Variants in ADAM7 observed in about 807,000 individuals in gnomAD.
ADAM7 encodes ADAM metallopeptidase domain 7, also known as disintegrin and metalloproteinase domain-containing protein 7.
A neutral mutation model predicts 102.9 loss-of-function variants in ADAM7; 97 were observed. The observed-to-expected ratio is 0.94, with a 90% CI of 0.80 to 1.12. The LOEUF is 1.12. Among genes scored for constraint, ADAM7 ranks in the 50% most tolerant of loss-of-function variants. The pLI, the probability that ADAM7 is intolerant of heterozygous loss-of-function variation, is 0.00. For missense variants in ADAM7, 991 were observed against 908.7 expected (o/e 1.09, Z -1.16); for synonymous variants, 334 against 304.4 (o/e 1.10, Z -1.01).
intron 3 of ADAM7, among the ~76,000 whole-genome samples, chr8:24,462,526 C>A (rs75395548): frequency 2.7e-3 from 418 of 152,308 alleles, no homozygotes; most frequent in African/African-American, 8.8e-3. Flanking sequence ...TCATGCTGTG[C>A]CTTCTCCCCT....
intron 8 of ADAM7, among the ~76,000 whole-genome samples, chr8:24,478,931 T>G (rs932973079): frequency 1.4e-4 from 21 of 152,312 alleles, no homozygotes; most frequent in African/African-American, 4.8e-4. Flanking sequence ...TGGTCAGAAA[T>G]TAGCTGATTT....
At chr8:24,508,464 T>C (rs1821023998) in intron 21 of ADAM7, 82 bp from the exon 22 acceptor site, 1 of 1,370,596 alleles carries the variant, frequency 7.3e-7, no homozygotes, top group African/African-American at 1.4e-5. Context: ...TTCTAATTAG[T>C]AGATATAAAT....
chr8:24,481,402 T>C (rs1819947122), intron 8 of ADAM7, among the ~76,000 whole-genome samples: 2 of 152,220 alleles, frequency 1.3e-5, no homozygotes, highest in African/African-American at 2.4e-5. Context: ...GTTCATTCAG[T>C]GTTGATAGTT....
intron 16 of ADAM7, 102 bp downstream of exon 16, chr8:24,493,331 AG>A: frequency 9.6e-7 from 1 of 1,036,572 alleles, no homozygotes; most frequent in Non-Finnish European, 1.3e-6. Flanking sequence ...GATATGGAAA[AG>A]GAAAAAATAT....
intron 2 of ADAM7, among the ~76,000 whole-genome samples, chr8:24,444,695 C>CA (rs889272661): frequency 6.7e-6 from 1 of 150,198 alleles, no homozygotes; most frequent in African/African-American, 2.4e-5. Context: ...AAAAAAAACA[C>CA]AAAAAAACGA....
intron 9 of ADAM7, among the ~76,000 whole-genome samples, chr8:24,483,492 T>C (rs1258447702): frequency 6.6e-6 from 1 of 152,220 alleles, no homozygotes; most frequent in Non-Finnish European, 1.5e-5. Flanking sequence ...TATTTAGACG[T>C]TGACTTTCAG....
intron 16 of ADAM7, 41 bp downstream of exon 16, chr8:24,493,270 C>G (rs1335985718): frequency 6.6e-7 from 1 of 1,505,568 alleles, no homozygotes; most frequent in Admixed American, 2.3e-5. Context: ...CTTCTTAGTT[C>G]AATCCTTTAA....
chr8:24,509,220 A>G lies in ADAM7; in HGVS notation c.*674A>G. On this transcript the variant is annotated 3_prime_UTR_variant, in exon 22 of 22. Transcript: ENST00000175238. ...CTGACAGAGAAATCAGAGGGTTACA[A>G]GAATTTCAGAAAATTTACTCCAAGT... The G allele has an allele frequency of 1.0e-6, 1 of 985,486 alleles. No individual in the cohort carries two copies. Among genetic ancestry groups the G allele is most frequent in the Non-Finnish European group, 1.2e-6 (1 of 829,980 alleles). The allele number at this position is 985,486 out of a possible 1,614,324, so 61.0% of individuals were successfully genotyped here.
intron 6 of ADAM7, among the ~76,000 whole-genome samples, chr8:24,468,211 T>C (rs1819493050): frequency 1.3e-5 from 2 of 152,060 alleles, no homozygotes; most frequent in Admixed American, 1.3e-4. Flanking sequence ...GTCCTGTTGG[T>C]CCACACTATG....
At chr8:24,448,656 GTTT>G (rs1209401791) in intron 3 of ADAM7, among the ~76,000 whole-genome samples, 2 of 90,462 alleles carry the variant, frequency 2.2e-5, no homozygotes, top group East Asian at 4.4e-4. Flanking sequence ...CATTCAGCTT[GTTT>G]ATTATTATTA....
intron 6 of ADAM7, 101 bp from the exon 7 acceptor site, chr8:24,468,666 A>T: frequency 9.9e-7 from 1 of 1,013,590 alleles, no homozygotes; most frequent in Non-Finnish European, 1.5e-6. Context: ...ATCAATATCA[A>T]CATTTCTTAC....
chr8:24,487,216 A>G lies in ADAM7; in HGVS notation c.990A>G (p.Ala330=), dbSNP rs1280484404. The G allele has an allele frequency of 1.2e-6, 2 of 1,613,770 alleles. No individual in the cohort carries two copies. Among genetic ancestry groups the G allele is most frequent in the African/African-American group, 2.7e-5 (2 of 74,926 alleles). The part of the protein sequence containing the change: ...KDLLPDTNII[A]NRMAHQLGHN... Reference sequence around the variant, plus strand: ...TTTTACCTGACACAAACATAATTGCAAACAGAATGGCACATCAACTGGGGC... The same window carrying G: ...TTTTACCTGACACAAACATAATTGCGAACAGAATGGCACATCAACTGGGGC... Residue 330 remains alanine (A), a synonymous_variant, in exon 11 of 22, where the codon GCA becomes GCG. Transcript: ENST00000175238.
chr8:24,500,396 C>A, intron 18 of ADAM7, 140 bp downstream of exon 18: 1 of 707,584 alleles, frequency 1.4e-6, no homozygotes, highest in South Asian at 2.3e-5. Flanking sequence ...TGCATGAATA[C>A]CCAAATTGAT....
In ADAM7 at chr8:24,508,610, T is replaced by G; in HGVS notation, c.*64T>G. The stretch of plus-strand genomic sequence containing the variant: ...GGCTGGGGATTCTGGATGCAACGTC[T>G]TTACAACCTTACCTAGATATCTGCT... On this transcript the variant is annotated 3_prime_UTR_variant, in exon 22 of 22. Coordinates refer to ENST00000175238, the MANE Select transcript of ADAM7 (RefSeq NM_003817.4). 1 of 1,612,216 alleles carries G rather than the reference T, an allele frequency of 6.2e-7. No homozygotes were observed. The highest frequency in any genetic ancestry group is 2.2e-5 in the East Asian group (1 of 44,730).
chr8:24,490,434 CA>C (rs1820302296), intron 12 of ADAM7: 2 of 163,064 alleles, frequency 1.2e-5, no homozygotes, highest in Admixed American at 1.3e-4. Flanking sequence ...ACAGCTTGAG[CA>C]AAAGGTAAAA....
At chr8:24,501,144 T>C (rs1436502537) in intron 19 of ADAM7, among the ~76,000 whole-genome samples, 2 of 152,142 alleles carry the variant, frequency 1.3e-5, no homozygotes, top group Non-Finnish European at 2.9e-5. Flanking sequence ...TTGAAGACAT[T>C]GTGATTTAAT....
intron 7 of ADAM7, among the ~76,000 whole-genome samples, chr8:24,471,398 C>G (rs914464480): frequency 6.6e-6 from 1 of 151,780 alleles, no homozygotes; most frequent in African/African-American, 2.4e-5. Flanking sequence ...CATTCTTTGA[C>G]TCGTCCAGAG....
chr8:24,502,185 G>T (rs1820785428), intron 20 of ADAM7, among the ~76,000 whole-genome samples: 2 of 151,788 alleles, frequency 1.3e-5, no homozygotes, highest in South Asian at 4.2e-4. Flanking sequence ...AACTTTCAAA[G>T]GAATAATCAA....
At chr8:24,496,455 G>T (rs545782196) in intron 16 of ADAM7, among the ~76,000 whole-genome samples, 1 of 152,192 alleles carries the variant, frequency 6.6e-6, no homozygotes, top group Non-Finnish European at 1.5e-5. Context: ...TGGAATGGTA[G>T]ATCCACCCAC....
Sources: gnomAD v4.1 joint callset for allele counts (sites outside exome capture counted in the v4.1 genomes callset) on GRCh38, gnomAD v4.1.1 for gene constraint, MANE v1.5 for transcripts, NCBI Gene and HGNC (gene_info 2026-07-23, HGNC 2026-07-21) for gene names.